Variants in NUMB observed in about 807,000 individuals in gnomAD.
NUMB encodes the protein protein numb homolog.
NUMB carries 29 observed loss-of-function variants against 59.7 expected under a neutral mutation model. The ratio of observed to expected loss-of-function variants is 0.49; its 90% confidence interval spans 0.36 to 0.66. The LOEUF (loss-of-function observed/expected upper bound fraction) is 0.66, where lower values mean the gene tolerates loss of function less well. Among genes scored for constraint, NUMB ranks in the 30% least tolerant of loss-of-function variants. The pLI is 0.00. For synonymous variants in NUMB, 288 were observed against 288.2 expected, an observed-to-expected ratio of 1.00 and a Z score of 0.01; for missense variants, 723 against 822.0, an observed-to-expected ratio of 0.88 and a Z score of 1.47.
chr14:73,396,324 GTGTGTGTGT>G (rs1566778634), intron 2 of NUMB, among the ~76,000 whole-genome samples: 62 of 41,366 alleles, frequency 1.5e-3, no homozygotes, highest in Middle Eastern at 0.014. Context: ...TATTAGGGGT[GTGTGTGTGT>G]GTGTGTGTGT....
intron 6 of NUMB, among the ~76,000 whole-genome samples, chr14:73,301,916 A>AC (rs1227167273): frequency 1.4e-4 from 21 of 152,124 alleles, no homozygotes; most frequent in East Asian, 3.9e-4. Flanking sequence ...CCCCATATCT[A>AC]CTAAAAAATA....
chr14:73,412,199 A>C (rs1896925723), intron 1 of NUMB, among the ~76,000 whole-genome samples: 1 of 152,108 alleles, frequency 6.6e-6, no homozygotes, highest in African/African-American at 2.4e-5. Context: ...TTACAGGCAT[A>C]CACCACCACG....
At chr14:73,316,828 T>A (rs1213174068) in intron 5 of NUMB, among the ~76,000 whole-genome samples, 1 of 152,224 alleles carries the variant, frequency 6.6e-6, no homozygotes, top group Non-Finnish European at 1.5e-5. Context: ...TGGTTCCATA[T>A]ACATTTTTTA....
At chr14:73,389,098 TAAAA>T (rs71112747) in intron 2 of NUMB, among the ~76,000 whole-genome samples, 4,961 of 95,674 alleles carry the variant, frequency 0.052, 389 homozygotes, top group African/African-American at 0.19. Context: ...GACTCTGCCT[TAAAA>T]AAAAAAAAAA....
chr14:73,398,078 T>C (rs1296289672), intron 2 of NUMB, among the ~76,000 whole-genome samples: 3 of 152,200 alleles, frequency 2.0e-5, no homozygotes, highest in African/African-American at 7.2e-5. Flanking sequence ...ATGCATGTGC[T>C]ATAAAACCCA....
At chr14:73,413,956 CTTTTT>C (rs748482351) in intron 1 of NUMB, among the ~76,000 whole-genome samples, 1 of 138,976 alleles carries the variant, frequency 7.2e-6, no homozygotes. Context: ...AATGTTTTTT[CTTTTT>C]TTTTTTTTTT....
intron 4 of NUMB, among the ~76,000 whole-genome samples, chr14:73,330,588 C>T (rs1891915206): frequency 6.6e-6 from 1 of 152,182 alleles, no homozygotes; most frequent in African/African-American, 2.4e-5. Flanking sequence ...AATGAGAATA[C>T]AGCAGTAACC....
At chr14:73,346,415 G>A (rs541543497) in intron 4 of NUMB, among the ~76,000 whole-genome samples, 9 of 151,866 alleles carry the variant, frequency 5.9e-5, no homozygotes, top group African/African-American at 2.2e-4. Context: ...AGGAAGCAGA[G>A]GCTGCGGTGA....
chr14:73,290,850 C>T lies in NUMB; in HGVS notation c.450+1884G>A, dbSNP rs79768815. Among the ~76,000 whole-genome samples the T allele has an allele frequency of 0.013, 1,976 of 152,144 alleles. 96 individuals are homozygous for T. The South Asian group carries it at 0.16, about 12-fold the overall frequency. Reference sequence around the variant, plus strand: ...TGAGTATTTCTGTTGAGTGTCATGTCGGTGCTCAAAAAGTTTAGAATTTTG... The same window carrying T: ...TGAGTATTTCTGTTGAGTGTCATGTTGGTGCTCAAAAAGTTTAGAATTTTG... On this transcript the variant is annotated intron_variant, in intron 8 of 12. Coordinates refer to ENST00000555238, the MANE Select transcript of NUMB (RefSeq NM_001005743.2).
intron 2 of NUMB, among the ~76,000 whole-genome samples, chr14:73,408,615 C>T (rs1413878223): frequency 1.3e-5 from 2 of 152,066 alleles, no homozygotes; most frequent in Non-Finnish European, 2.9e-5. Flanking sequence ...CGGTGGCTCA[C>T]ACCTGTAATC....
At chr14:73,289,235 ACT>A (rs1319019342) in intron 8 of NUMB, among the ~76,000 whole-genome samples, 2 of 152,176 alleles carry the variant, frequency 1.3e-5, no homozygotes, top group East Asian at 3.8e-4. Context: ...TTTCATCCAC[ACT>A]GTCTACTTAT....
At chr14:73,423,993 CTT>C (rs1412027082) in intron 1 of NUMB, among the ~76,000 whole-genome samples, 6 of 145,112 alleles carry the variant, frequency 4.1e-5, no homozygotes, top group East Asian at 2.0e-4. Context: ...AAAAAAGACT[CTT>C]GATCTATTTT....
At position 73,399,820 on chromosome 14, in the gene NUMB, G is replaced by A. The variant is rs148696069; in HGVS notation, c.-101+10117C>T. The stretch of plus-strand genomic sequence containing the variant: ...ACACTTTGGGAGGCCAAGGCCAGTG[G>A]ATCACTTGAGGTCAGGAGTTCAAGA... On this transcript the variant is annotated intron_variant, in intron 2 of 12. Transcript: ENST00000555238. Among the ~76,000 whole-genome samples, 305 of 152,278 alleles carry A rather than the reference G, an allele frequency of 2.0e-3. 10 individuals are homozygous for A. In the East Asian group the frequency reaches 0.047, roughly 23 times the overall value.
chr14:73,435,271 C>CTTT lies in NUMB; in HGVS notation c.-233+23219_-233+23221dup, dbSNP rs11295491. 1.3e-3 allele frequency among the ~76,000 whole-genome samples: 149 copies of CTTT among 112,850 alleles called. 3 individuals are homozygous for CTTT. The highest frequency in any genetic ancestry group is 1.2e-3 in the Non-Finnish European group (69 of 58,182). The allele number at this position is 112,850 out of a possible 152,430, so 74.0% of individuals were successfully genotyped here. On this transcript the variant is annotated intron_variant, in intron 1 of 12. Coordinates refer to ENST00000555238, the MANE Select transcript of NUMB (RefSeq NM_001005743.2). ...TCTTTGGAGAACCATTTGGCAATTA[C>CTTT]TTTTTTTTTTTTTTTTTTTTGAGAC...
chr14:73,411,398 T>C (rs980795418), intron 1 of NUMB, among the ~76,000 whole-genome samples: 1 of 151,232 alleles, frequency 6.6e-6, no homozygotes, highest in African/African-American at 2.5e-5. Flanking sequence ...CACAGAATTG[T>C]GGTAAACAGA....
chr14:73,277,781 C>T (rs1040584420), intron 12 of NUMB, among the ~76,000 whole-genome samples: 1 of 150,850 alleles, frequency 6.6e-6, no homozygotes, highest in Non-Finnish European at 1.5e-5. Context: ...AAAAAGGCCA[C>T]GTGCAGTGGC....
intron 1 of NUMB, among the ~76,000 whole-genome samples, chr14:73,438,401 C>T (rs144616464): frequency 0.028 from 4,238 of 152,084 alleles, 137 homozygotes; most frequent in East Asian, 0.14. Flanking sequence ...GAGGCCGAGG[C>T]AGGTGGATCA....
chr14:73,356,332 AAAAT>A (rs1344638621), intron 3 of NUMB, among the ~76,000 whole-genome samples: 8 of 152,230 alleles, frequency 5.3e-5, no homozygotes, highest in African/African-American at 1.4e-4. Flanking sequence ...CATGAAGAAT[AAAAT>A]AAAGTTTTCT....
At chr14:73,443,349 A>C (rs1883207958) in intron 1 of NUMB, among the ~76,000 whole-genome samples, 1 of 152,040 alleles carries the variant, frequency 6.6e-6, no homozygotes, top group African/African-American at 2.4e-5. Flanking sequence ...TAATCCCAGC[A>C]CTTTGGGAGG....
Sources: allele counts gnomAD v4.1 joint callset (sites outside exome capture counted in the v4.1 genomes callset), GRCh38; gene constraint gnomAD v4.1.1; transcripts MANE v1.5; gene names NCBI Gene and HGNC (gene_info 2026-07-23, HGNC 2026-07-21).